The following ZFAT variants were observed in gnomAD, a reference collection of about 807,000 sequenced individuals.
The protein encoded by ZFAT is zinc finger and AT-hook domain containing, also known as zinc finger protein ZFAT.
In ZFAT, 64 loss-of-function variants were observed where a neutral mutation model predicts 117.7. That is an observed-to-expected ratio of 0.54 (90% CI 0.44 to 0.67). The LOEUF (loss-of-function observed/expected upper bound fraction) is 0.67. ZFAT is among the 30% of genes least tolerant of loss of function. The pLI is 0.00. For synonymous variants in ZFAT, 679 were observed against 615.0 expected, an observed-to-expected ratio of 1.10 and a Z score of -1.54; for missense variants, 1,433 against 1,584.5, an observed-to-expected ratio of 0.90 and a Z score of 1.62.
rs549171760 is a variant in ZFAT, at chr8:134,558,773, T to C, written c.2976+6560A>G. 4.6e-5 allele frequency among the ~76,000 whole-genome samples: 7 copies of C among 152,284 alleles called. No individual in the cohort carries two copies. The South Asian group carries it at 1.5e-3, about 32-fold the overall frequency. On this transcript the variant is annotated intron_variant, in intron 11 of 15. Transcript: ENST00000377838. ...GCCTGGTACCATGTACCATACTTACTACTCATAAAAAATGGTATTGCTTTT... is the reference window on the plus strand; with the variant it reads ...GCCTGGTACCATGTACCATACTTACCACTCATAAAAAATGGTATTGCTTTT...
intron 1 of ZFAT, among the ~76,000 whole-genome samples, chr8:134,681,578 C>A (rs1411044835): frequency 6.6e-6 from 1 of 152,200 alleles, no homozygotes; most frequent in Non-Finnish European, 1.5e-5. Context: ...TTTAAAAGCT[C>A]TAGATTAAAC....
chr8:134,553,626 T>G lies in ZFAT; in HGVS notation c.2976+11707A>C, dbSNP rs76794405. The stretch of plus-strand genomic sequence containing the variant: ...GCACCAAGAATCTTAAACAAAGTCA[T>G]GAAAGAAAGGAAGATTGTAGAGTCA... On this transcript the variant is annotated intron_variant, in intron 11 of 15. Transcript: ENST00000377838. 5.4e-3 allele frequency among the ~76,000 whole-genome samples: 824 copies of G among 152,026 alleles called. 6 individuals carry two copies. Among genetic ancestry groups the G allele is most frequent in the African/African-American group, 0.019 (793 of 41,486 alleles).
At chr8:134,818,285 C>T in the ZFAT span, among the ~76,000 whole-genome samples, 1 of 152,048 alleles carries the variant, frequency 6.6e-6, no homozygotes. Flanking sequence ...AGTAAGAAAA[C>T]AACCAACCAG....
chr8:134,738,016 A>G, the ZFAT span, among the ~76,000 whole-genome samples: 1 of 152,160 alleles, frequency 6.6e-6, no homozygotes, highest in South Asian at 2.1e-4. Flanking sequence ...GGGGCATCTC[A>G]CTTCCTCTCA....
At chr8:134,681,037 A>G (rs1833047139) in intron 1 of ZFAT, among the ~76,000 whole-genome samples, 1 of 152,230 alleles carries the variant, frequency 6.6e-6, no homozygotes, top group African/African-American at 2.4e-5. Flanking sequence ...GATCATGTAC[A>G]CTGCTAGGTG....
intron 1 of ZFAT, among the ~76,000 whole-genome samples, chr8:134,662,415 T>G (rs1236560877): frequency 6.6e-6 from 1 of 152,070 alleles, no homozygotes; most frequent in African/African-American, 2.4e-5. Context: ...GAGGGGTTGC[T>G]CCTGAAAAAT....
In ZFAT at chr8:134,588,117, C is replaced by T. The variant is rs187479831; in HGVS notation, c.2713+129G>A. On this transcript the variant is annotated intron_variant, in intron 9 of 15. Coordinates refer to ENST00000377838, the MANE Select transcript of ZFAT (RefSeq NM_020863.4). ...GTTTGTAGCTGGTTGATGGACACAT[C>T]TCTCAGTGTGCTAAGGAAATTCTAA... 22 of 1,131,860 alleles carry T rather than the reference C, an allele frequency of 1.9e-5. No individual in the cohort carries two copies. In the East Asian group the frequency reaches 5.3e-4, roughly 27 times the overall value. 70.1% of individuals were successfully genotyped at this position (1,131,860 alleles called of 1,614,324 possible).
At chr8:134,803,458 CTTTA>C in the ZFAT span, among the ~76,000 whole-genome samples, 1 of 152,128 alleles carries the variant, frequency 6.6e-6, no homozygotes, top group Non-Finnish European at 1.5e-5. Context: ...AATAAATCTG[CTTTA>C]TTTAGAGTTC....
upstream of ZFAT, among the ~76,000 whole-genome samples, chr8:134,714,107 G>GCCCC (rs34806943): frequency 4.2e-5 from 4 of 94,390 alleles, no homozygotes; most frequent in Non-Finnish European, 4.1e-5. Flanking sequence ...GCAAAGACAT[G>GCCCC]CCCCCCCCCC....
intron 13 of ZFAT, among the ~76,000 whole-genome samples, chr8:134,518,128 G>T (rs942741988): frequency 6.6e-6 from 1 of 151,934 alleles, no homozygotes; most frequent in African/African-American, 2.4e-5. Flanking sequence ...TTGTTCCTGT[G>T]GTATTCTAAT....
intron 12 of ZFAT, among the ~76,000 whole-genome samples, chr8:134,530,686 T>C (rs1586652385): frequency 6.6e-6 from 1 of 152,298 alleles, no homozygotes; most frequent in Non-Finnish European, 1.5e-5. Flanking sequence ...TCTATATATA[T>C]ATGTACAGAT....
At chr8:134,705,555 A>G (rs1447844690) in intron 1 of ZFAT, among the ~76,000 whole-genome samples, 1 of 150,954 alleles carries the variant, frequency 6.6e-6, no homozygotes, top group Non-Finnish European at 1.5e-5. Context: ...TTTGAGACCA[A>G]GTCTCACTCT....
At chr8:134,658,826 C>T (rs182853898) in intron 1 of ZFAT, among the ~76,000 whole-genome samples, 2 of 152,336 alleles carry the variant, frequency 1.3e-5, no homozygotes, top group East Asian at 3.9e-4. Context: ...CAACTCGTCC[C>T]TAAATGCTGG....
At chr8:134,651,277 T>C (rs1831223668) in intron 2 of ZFAT, among the ~76,000 whole-genome samples, 1 of 152,136 alleles carries the variant, frequency 6.6e-6, no homozygotes, top group Non-Finnish European at 1.5e-5. Context: ...TGAAAACAAC[T>C]CAAATGTCTA....
At chr8:134,606,735 A>G (rs2063313302) in intron 5 of ZFAT, among the ~76,000 whole-genome samples, 1 of 151,872 alleles carries the variant, frequency 6.6e-6, no homozygotes, top group Non-Finnish European at 1.5e-5. Flanking sequence ...CTCAGAAAAA[A>G]AAAAAAAAAA....
At chr8:134,564,446 G>T (rs1353582989) in intron 11 of ZFAT, among the ~76,000 whole-genome samples, 1 of 152,136 alleles carries the variant, frequency 6.6e-6, no homozygotes, top group East Asian at 1.9e-4. Context: ...ATCCCAACAG[G>T]CCCTATATCA....
chr8:134,746,248 T>C, the ZFAT span, among the ~76,000 whole-genome samples: 1 of 152,354 alleles, frequency 6.6e-6, no homozygotes, highest in East Asian at 1.9e-4. Flanking sequence ...TGCTAGGTTT[T>C]CTCACCATTC....
chr8:134,758,322 G>GA, the ZFAT span, among the ~76,000 whole-genome samples: 26 of 132,414 alleles, frequency 2.0e-4, no homozygotes, highest in Non-Finnish European at 4.0e-4. Context: ...AGATACAGTG[G>GA]AAAAAAACAA....
chr8:134,481,929 G>A (rs1282298180), intron 15 of ZFAT, among the ~76,000 whole-genome samples: 3 of 152,176 alleles, frequency 2.0e-5, no homozygotes, highest in Non-Finnish European at 2.9e-5. Context: ...CCTACAGCCC[G>A]ACCAAGGCCA....
Sources: allele counts gnomAD v4.1 joint callset (sites outside exome capture counted in the v4.1 genomes callset), GRCh38; gene constraint gnomAD v4.1.1; transcripts MANE v1.5; gene names NCBI Gene and HGNC (gene_info 2026-07-23, HGNC 2026-07-21).